TMEM178B: variants seen among roughly 807,000 people sequenced by gnomAD.
TMEM178B encodes the protein transmembrane protein 178B.
TMEM178B carries 5 observed loss-of-function variants against 31.0 expected under a neutral mutation model. The observed-to-expected ratio is 0.16, with a 90% CI of 0.08 to 0.34. The LOEUF (loss-of-function observed/expected upper bound fraction) is 0.34. Ranked by LOEUF, TMEM178B falls within the 10% of genes least tolerant of loss-of-function variation. The pLI is 1.00. For missense variants in TMEM178B, 275 were observed against 400.3 expected (o/e 0.69, Z 2.67); for synonymous variants, 164 against 164.0 (o/e 1.00, Z 0.00).
chr7:141,378,788 G>A (rs749312207), intron 2 of TMEM178B, among the ~76,000 whole-genome samples: 2 of 152,190 alleles, frequency 1.3e-5, no homozygotes, highest in Non-Finnish European at 2.9e-5. Flanking sequence ...AGAAGAAACT[G>A]CAAGAAAAAG....
chr7:141,438,696 T>TAAAAAAAAAAAAACAAAA lies in TMEM178B; in HGVS notation c.634+964_634+965insCAAAAAAAAAAAAAAAAA, dbSNP rs1801597272. ...CAGCTTGGTAAAACCCCGTCTCTAC[T>TAAAAAAAAAAAAACAAAA]AAAAAAAAAAAAAAAAAAAAAAAAA... On this transcript the variant is annotated intron_variant, in intron 3 of 3. Coordinates refer to ENST00000565468, the MANE Select transcript of TMEM178B (RefSeq NM_001195278.2). Among the ~76,000 whole-genome samples the TAAAAAAAAAAAAACAAAA allele has an allele frequency of 1.0e-4, 3 of 28,990 alleles. 1 individual carries two copies. The highest frequency in any genetic ancestry group is 1.6e-4 in the Non-Finnish European group (2 of 12,764). The allele number at this position is 28,990 out of a possible 152,430, so 19.0% of individuals were successfully genotyped here.
At chr7:141,482,071 C>T (rs1262663203), downstream of TMEM178B, among the ~76,000 whole-genome samples, 1 of 152,184 alleles carries the variant, frequency 6.6e-6, no homozygotes, top group Non-Finnish European at 1.5e-5. Context: ...TCCAATGCAG[C>T]ACCACTTTGA....
chr7:141,183,748 A>G (rs1796566297), intron 1 of TMEM178B, among the ~76,000 whole-genome samples: 1 of 152,212 alleles, frequency 6.6e-6, no homozygotes, highest in Non-Finnish European at 1.5e-5. Context: ...TAATGACATG[A>G]ATGATGGATA....
intron 1 of TMEM178B, among the ~76,000 whole-genome samples, chr7:141,142,346 T>C (rs1006863474): frequency 1.1e-4 from 15 of 139,982 alleles, no homozygotes; most frequent in African/African-American, 4.7e-4. Flanking sequence ...TGAATAGTGC[T>C]GTGAGGAACA....
At chr7:141,237,495 G>A (rs7780928) in intron 2 of TMEM178B, among the ~76,000 whole-genome samples, 12,944 of 152,166 alleles carry the variant, frequency 0.085, 784 homozygotes, top group African/African-American at 0.16. Context: ...AATGTAAAAT[G>A]AGATGTAGAT....
chr7:141,201,304 C>T (rs1055078451), intron 1 of TMEM178B, among the ~76,000 whole-genome samples: 2 of 152,148 alleles, frequency 1.3e-5, no homozygotes, highest in African/African-American at 4.8e-5. Context: ...ACAGGAGTGA[C>T]TGTGCTCAGT....
At chr7:141,215,834 C>CT (rs750295893) in intron 2 of TMEM178B, among the ~76,000 whole-genome samples, 1,694 of 28,656 alleles carry the variant, frequency 0.059, 26 homozygotes, top group South Asian at 0.14. Flanking sequence ...TTCTTTCTTT[C>CT]TTTCTTTTCT....
intron 2 of TMEM178B, among the ~76,000 whole-genome samples, chr7:141,240,856 A>G (rs769743180): frequency 2.0e-5 from 3 of 152,004 alleles, no homozygotes; most frequent in Non-Finnish European, 2.9e-5. Flanking sequence ...GGTATCTGCT[A>G]GCTTTTGTTA....
At chr7:141,165,708 G>A (rs754081187) in intron 1 of TMEM178B, among the ~76,000 whole-genome samples, 2 of 152,244 alleles carry the variant, frequency 1.3e-5, no homozygotes, top group Non-Finnish European at 2.9e-5. Flanking sequence ...GGAATTTAGT[G>A]TAGTGTAATG....
chr7:141,452,880 A>G (rs1181775), intron 3 of TMEM178B, among the ~76,000 whole-genome samples: 110,271 of 152,110 alleles, frequency 0.72, 40,596 homozygotes, highest in South Asian at 0.84. Flanking sequence ...GCTCCCAGTT[A>G]TTAAGAGAAT....
At chr7:141,306,182 A>G (rs931544298) in intron 2 of TMEM178B, among the ~76,000 whole-genome samples, 15 of 152,348 alleles carry the variant, frequency 9.8e-5, no homozygotes, top group Non-Finnish European at 2.2e-4. Context: ...TCTTGCAGCT[A>G]AAAGGCTAGA....
downstream of TMEM178B, among the ~76,000 whole-genome samples, chr7:141,481,888 G>A (rs1014765553): frequency 1.3e-5 from 2 of 152,004 alleles, no homozygotes; most frequent in Admixed American, 6.6e-5. Flanking sequence ...GCCCCAGCCC[G>A]GGCAGGGGTG....
At chr7:141,365,230 C>A (rs1018831913) in intron 2 of TMEM178B, among the ~76,000 whole-genome samples, 1 of 152,214 alleles carries the variant, frequency 6.6e-6, no homozygotes, top group African/African-American at 2.4e-5. Context: ...TTGCTGTAGA[C>A]GTTCTGGGTT....
chr7:141,163,766 A>G (rs1187372685), intron 1 of TMEM178B, among the ~76,000 whole-genome samples: 1 of 152,118 alleles, frequency 6.6e-6, no homozygotes, highest in Non-Finnish European at 1.5e-5. Context: ...TGCCTGCCTC[A>G]ACCTCCCAAA....
At chr7:141,194,018 C>A (rs1796740130) in intron 1 of TMEM178B, among the ~76,000 whole-genome samples, 2 of 152,322 alleles carry the variant, frequency 1.3e-5, no homozygotes, top group African/African-American at 4.8e-5. Context: ...TATTCACTAT[C>A]ACAAGAATAG....
At chr7:141,147,156 G>T (rs890073132) in intron 1 of TMEM178B, among the ~76,000 whole-genome samples, 1 of 152,176 alleles carries the variant, frequency 6.6e-6, no homozygotes, top group Non-Finnish European at 1.5e-5. Flanking sequence ...GAAGCATAGT[G>T]AGTGAAGGAA....
intron 3 of TMEM178B, among the ~76,000 whole-genome samples, chr7:141,443,327 A>G (rs1801695686): frequency 6.6e-6 from 1 of 152,178 alleles, no homozygotes; most frequent in Non-Finnish European, 1.5e-5. Context: ...CTCAGTTTTT[A>G]CCTGATGCCC....
At chr7:141,292,859 A>C (rs1798569965) in intron 2 of TMEM178B, among the ~76,000 whole-genome samples, 1 of 151,774 alleles carries the variant, frequency 6.6e-6, no homozygotes, top group Non-Finnish European at 1.5e-5. Flanking sequence ...GCTGGTCTCA[A>C]ACTCCTGACT....
intron 1 of TMEM178B, among the ~76,000 whole-genome samples, chr7:141,130,446 T>C (rs1795576074): frequency 6.6e-6 from 1 of 152,218 alleles, no homozygotes; most frequent in Non-Finnish European, 1.5e-5. Flanking sequence ...CTTTTATGTT[T>C]GCCTTCTTTC....
Sources: allele counts gnomAD v4.1 joint callset (sites outside exome capture counted in the v4.1 genomes callset), GRCh38; gene constraint gnomAD v4.1.1; transcripts MANE v1.5; gene names NCBI Gene and HGNC (gene_info 2026-07-23, HGNC 2026-07-21).